Variants in PTPRD observed in about 807,000 individuals in gnomAD.
PTPRD encodes protein tyrosine phosphatase receptor type D, also known as receptor-type tyrosine-protein phosphatase delta.
In PTPRD, 34 loss-of-function variants were observed where a neutral mutation model predicts 214.5. The ratio of observed to expected loss-of-function variants is 0.16; its 90% confidence interval spans 0.12 to 0.21. The LOEUF (loss-of-function observed/expected upper bound fraction) is 0.21, where lower values mean the gene tolerates loss of function less well. Ranked by LOEUF, PTPRD falls within the 10% of genes least tolerant of loss-of-function variation. PTPRD has a pLI of 1.00. For synonymous variants in PTPRD, 1,128 were observed against 845.7 expected (o/e 1.33, Z -5.79); for missense variants, 2,545 against 2,398.7 (o/e 1.06, Z -1.27).
chr9:10,090,567 A>G (rs576359025), intron 3 of PTPRD, among the ~76,000 whole-genome samples: 95 of 150,878 alleles, frequency 6.3e-4, no homozygotes, highest in African/African-American at 2.2e-3. Context: ...ATGTATTTTA[A>G]TGTATTTTAT....
chr9:10,211,705 T>C (rs980878620), intron 3 of PTPRD, among the ~76,000 whole-genome samples: 1 of 152,096 alleles, frequency 6.6e-6, no homozygotes, highest in Non-Finnish European at 1.5e-5. Context: ...GAACTGAAGG[T>C]CAAAAACCAT....
intron 2 of PTPRD, among the ~76,000 whole-genome samples, chr9:10,593,777 G>A (rs959376156): frequency 6.6e-6 from 1 of 151,752 alleles, no homozygotes; most frequent in Non-Finnish European, 1.5e-5. Context: ...AGCAAAATAT[G>A]TTTTTCCATA....
intron 33 of PTPRD, among the ~76,000 whole-genome samples, 195 bp from the exon 34 acceptor site, chr9:8,450,032 G>A (rs1057358686): frequency 2.4e-4 from 37 of 151,936 alleles, no homozygotes; most frequent in African/African-American, 8.7e-4. Flanking sequence ...TAAAATTTTT[G>A]TTTAAGTCAA....
intron 3 of PTPRD, among the ~76,000 whole-genome samples, chr9:10,098,585 G>C (rs1474212356): frequency 6.6e-6 from 1 of 151,732 alleles, no homozygotes; most frequent in Non-Finnish European, 1.5e-5. Flanking sequence ...AGAGGTAGAG[G>C]TATCTTTCTG....
intron 5 of PTPRD, among the ~76,000 whole-genome samples, chr9:9,833,295 T>C (rs1472121357): frequency 6.6e-6 from 1 of 151,890 alleles, no homozygotes; most frequent in African/African-American, 2.4e-5. Context: ...GGAAACATCA[T>C]ACATTGGTAG....
intron 4 of PTPRD, among the ~76,000 whole-genome samples, chr9:9,960,344 G>T (rs111491184): frequency 6.6e-6 from 1 of 152,034 alleles, no homozygotes; most frequent in Non-Finnish European, 1.5e-5. Context: ...AACAACCCAC[G>T]TAGAATAATT....
In PTPRD at chr9:9,883,679, C is replaced by G. The variant is rs112986800; in HGVS notation, c.-368+54828G>C. On this transcript the variant is annotated intron_variant, in intron 5 of 45. Transcript: ENST00000381196. ...ATATTTTGGTGACATACAACCACTG[C>G]CTCACATGTACTCTATCTAACCTCT... Among the ~76,000 whole-genome samples the G allele has an allele frequency of 2.4e-3, 364 of 152,244 alleles. 4 individuals are homozygous for G. Among genetic ancestry groups the G allele is most frequent in the African/African-American group, 8.4e-3 (351 of 41,550 alleles).
chr9:9,396,792 T>A (rs1270278360), intron 9 of PTPRD, among the ~76,000 whole-genome samples: 1 of 151,956 alleles, frequency 6.6e-6, no homozygotes, highest in African/African-American at 2.4e-5. Context: ...GAGTAACAAT[T>A]TTATGTAGAG....
intron 19 of PTPRD, among the ~76,000 whole-genome samples, chr9:8,522,381 G>A (rs1274745405): frequency 6.6e-6 from 1 of 152,180 alleles, no homozygotes; most frequent in Non-Finnish European, 1.5e-5. Flanking sequence ...GGGGATGACA[G>A]GGTTGAAAGA....
At position 10,424,339 on chromosome 9, in the gene PTPRD, C is replaced by T. The variant is rs1203087089; in HGVS notation, c.-599-83322G>A. On this transcript the variant is annotated intron_variant, in intron 2 of 45. Transcript: ENST00000381196. Reference sequence around the variant, plus strand: ...TCTCTCTCTCTCTCTCTCTCTCTCTCTCTCAGGAATTATGAGATCTGTTAT... The same window carrying T: ...TCTCTCTCTCTCTCTCTCTCTCTCTTTCTCAGGAATTATGAGATCTGTTAT... Among the ~76,000 whole-genome samples the T allele has an allele frequency of 3.3e-5, 5 of 151,466 alleles. No individual in the cohort carries two copies. The East Asian group carries it at 9.7e-4, about 29-fold the overall frequency.
intron 11 of PTPRD, among the ~76,000 whole-genome samples, chr9:8,874,097 G>T (rs2098348748): frequency 1.3e-5 from 2 of 151,970 alleles, no homozygotes; most frequent in South Asian, 4.2e-4. Context: ...GTTTGCCTTG[G>T]GCATTTCTAC....
rs192703521 is a variant in PTPRD, at chr9:9,475,889, G to A, written c.-236-78407C>T. On this transcript the variant is annotated intron_variant, in intron 8 of 45. Transcript: ENST00000381196. ...GCTCTAGAAATAGGCTTTGGCCTAT[G>A]TTATATATAAACTGCTACCTCCGCA... Among the ~76,000 whole-genome samples the A allele has an allele frequency of 2.1e-3, 316 of 152,208 alleles. 1 individual carries two copies. Among genetic ancestry groups the A allele is most frequent in the African/African-American group, 6.7e-3 (279 of 41,534 alleles).
chr9:9,299,111 G>C (rs558896010), intron 9 of PTPRD, among the ~76,000 whole-genome samples: 2 of 151,676 alleles, frequency 1.3e-5, no homozygotes, highest in South Asian at 4.1e-4. Context: ...AAAACTAATT[G>C]TGTCTCCAGC....
Position 8,649,265 on chromosome 9 carries a change from G to A in PTPRD, c.65-12421C>T, listed in dbSNP as rs530548274. Among the ~76,000 whole-genome samples the A allele has an allele frequency of 5.3e-5, 8 of 152,310 alleles. No homozygotes were observed. The East Asian group carries it at 1.5e-3, about 29-fold the overall frequency. ...CAGTTCCACAAAGAGAAGATCTGCT[G>A]GTGTCACTGTATGAGCTGAAAGGCT... On this transcript the variant is annotated intron_variant, in intron 12 of 45. Transcript: ENST00000381196.
At chr9:9,378,885 T>A (rs1299737970) in intron 9 of PTPRD, among the ~76,000 whole-genome samples, 4 of 152,086 alleles carry the variant, frequency 2.6e-5, no homozygotes, top group East Asian at 3.9e-4. Context: ...AAGTTTCTTA[T>A]ATATTTTGGA....
chr9:8,701,822 G>C (rs113750971), intron 12 of PTPRD, among the ~76,000 whole-genome samples: 49 of 152,222 alleles, frequency 3.2e-4, no homozygotes, highest in African/African-American at 1.2e-3. Flanking sequence ...ATTAAAAATA[G>C]AGTATTCCAT....
At chr9:10,266,588 T>A (rs1412374016) in intron 3 of PTPRD, among the ~76,000 whole-genome samples, 1 of 152,220 alleles carries the variant, frequency 6.6e-6, no homozygotes, top group Non-Finnish European at 1.5e-5. Flanking sequence ...ATTGCACTGA[T>A]AACATCAAGT....
chr9:9,251,644 T>C (rs1394995167), intron 9 of PTPRD, among the ~76,000 whole-genome samples: 1 of 152,108 alleles, frequency 6.6e-6, no homozygotes, highest in East Asian at 1.9e-4. Context: ...TTTTGTATTT[T>C]ACACCACACA....
chr9:8,687,519 G>C (rs1041980045), intron 12 of PTPRD, among the ~76,000 whole-genome samples: 1 of 152,166 alleles, frequency 6.6e-6, no homozygotes, highest in African/African-American at 2.4e-5. Context: ...CTCCTAAGGT[G>C]CCAACATCAA....
Sources: allele counts gnomAD v4.1 joint callset (sites outside exome capture counted in the v4.1 genomes callset), GRCh38; gene constraint gnomAD v4.1.1; transcripts MANE v1.5; gene names NCBI Gene and HGNC (gene_info 2026-07-23, HGNC 2026-07-21).